Variants in PCID2 observed in about 807,000 individuals in gnomAD.
PCID2 encodes PCI domain containing 2.
Under a neutral mutation model 61.3 loss-of-function variants are expected in PCID2, and 41 were observed. The ratio of observed to expected loss-of-function variants is 0.67; its 90% CI spans 0.52 to 0.87. PCID2 has a LOEUF of 0.87. PCID2 is among the 40% of genes least tolerant of loss of function. The pLI, the probability that PCID2 is intolerant of heterozygous loss-of-function variation, is 0.00. For synonymous variants in PCID2, 187 were observed against 177.8 expected (o/e 1.05, Z -0.41); for missense variants, 392 against 493.4 (o/e 0.79, Z 1.95).
intron 7 of PCID2, chr13:113,187,733 A>T (rs2038243064): frequency 1.3e-5 from 2 of 152,296 alleles, no homozygotes; most frequent in South Asian, 4.1e-4. Context: ...ATAATTCTTT[A>T]TATATTCTGG....
intron 2 of PCID2, among the ~76,000 whole-genome samples, chr13:113,198,704 CATAAATAA>C (rs530661772): frequency 3.3e-5 from 5 of 151,808 alleles, no homozygotes; most frequent in African/African-American, 1.2e-4. Context: ...GACTCTGTCT[CATAAATAA>C]ATAAATAAAT....
In PCID2 at chr13:113,200,468, C is replaced by T. The variant is rs891541488; in HGVS notation, c.85G>A (p.Val29Met). 1 of 1,613,702 alleles carries T rather than the reference C, an allele frequency of 6.2e-7. No individual in the cohort carries two copies. The highest frequency in any genetic ancestry group is 8.5e-7 in the Non-Finnish European group (1 of 1,179,624). Residue 29 changes from valine (V) to methionine (M), a missense_variant, in exon 2 of 14, where the codon GTG becomes ATG. By Grantham distance (21) the Val-to-Met change is conservative. Transcript: ENST00000337344. ...SRDGASCAELVSFKHPHVANP... is the reference protein window; with the variant it reads ...SRDGASCAELMSFKHPHVANP... ...GCAACATGAGGATGTTTAAAAGACA[C>T]CAACTCTGCACAAGATGCTCCATCT...
chr13:113,172,325 C>A, the PCID2 span: 1 of 602,476 alleles, frequency 1.7e-6, no homozygotes, highest in Non-Finnish European at 2.9e-6. Context: ...CAATAGAGAC[C>A]TTAAAAGAAA....
At chr13:113,180,091 C>A (rs372598398) in intron 11 of PCID2, 49 bp from the exon 12 acceptor site, 103 of 1,613,402 alleles carry the variant, frequency 6.4e-5, no homozygotes, top group Non-Finnish European at 8.1e-5. Context: ...TCTCACAGAG[C>A]GTGCACGTCA....
chr13:113,168,686 T>C, the PCID2 span, among the ~76,000 whole-genome samples: 3 of 152,252 alleles, frequency 2.0e-5, no homozygotes, highest in Non-Finnish European at 4.4e-5. Flanking sequence ...GATTCTTGTA[T>C]TTGTGGGCTA....
intron 6 of PCID2, among the ~76,000 whole-genome samples, chr13:113,194,596 A>T (rs1316877383): frequency 6.6e-6 from 1 of 152,184 alleles, no homozygotes; most frequent in Non-Finnish European, 1.5e-5. Context: ...AAAGGTTGAC[A>T]AATGCTGCTC....
At chr13:113,207,682 G>C (rs1438084035) in intron 1 of PCID2, among the ~76,000 whole-genome samples, 1 of 152,164 alleles carries the variant, frequency 6.6e-6, no homozygotes, top group Non-Finnish European at 1.5e-5. Flanking sequence ...AATCATGTCA[G>C]ACTTTTCAGC....
Position 113,178,051 on chromosome 13 carries a change from GA to G in PCID2, c.*146del. The stretch of plus-strand genomic sequence containing the variant: ...TGAAGGAGATTAACTCGGGTGTGCT[GA>G]AAATCTCAGCCTCAGCATCCCTGGG... On this transcript the variant is annotated 3_prime_UTR_variant, in exon 14 of 14. Coordinates refer to ENST00000337344, the MANE Select transcript of PCID2 (RefSeq NM_001127202.4). 1 of 550,522 alleles carries G rather than the reference GA, an allele frequency of 1.8e-6. No individual in the cohort carries two copies. 34.1% of individuals were successfully genotyped at this position (550,522 alleles called of 1,614,324 possible).
intron 6 of PCID2, among the ~76,000 whole-genome samples, chr13:113,194,177 A>G (rs553927835): frequency 6.6e-6 from 1 of 152,272 alleles, no homozygotes; most frequent in East Asian, 1.9e-4. Flanking sequence ...GGCCACCCCC[A>G]GTCCGCACCA....
At chr13:113,166,906 C>T in the PCID2 span, among the ~76,000 whole-genome samples, 1 of 152,164 alleles carries the variant, frequency 6.6e-6, no homozygotes, top group Non-Finnish European at 1.5e-5. Context: ...GCACTCATAC[C>T]AGCAAGGCTA....
At chr13:113,165,123 AAC>A in the PCID2 span, 3 of 1,610,600 alleles carry the variant, frequency 1.9e-6, no homozygotes, top group Non-Finnish European at 2.5e-6. Flanking sequence ...CGTGGCAGGT[AAC>A]AGAGCGCTCT....
downstream of PCID2, among the ~76,000 whole-genome samples, chr13:113,172,971 G>A (rs913293997): frequency 1.3e-5 from 2 of 152,198 alleles, no homozygotes; most frequent in African/African-American, 4.8e-5. Context: ...ACCCCAAGAT[G>A]ATGATATGGG....
intron 13 of PCID2, 44 bp from the exon 14 acceptor site, chr13:113,178,331 G>C: frequency 7.0e-7 from 1 of 1,437,126 alleles, no homozygotes; most frequent in Non-Finnish European, 9.8e-7. Context: ...TTTTGGATCT[G>C]AGTCATGTCA....
the PCID2 span, chr13:113,172,391 G>A: frequency 3.7e-4 from 159 of 430,416 alleles, no homozygotes; most frequent in Middle Eastern, 7.0e-4. Flanking sequence ...AAAGCAGCCT[G>A]GTTTCCAGAA....
At chr13:113,195,520 C>T (rs1467737683) in intron 5 of PCID2, among the ~76,000 whole-genome samples, 2 of 152,184 alleles carry the variant, frequency 1.3e-5, no homozygotes, top group Admixed American at 1.3e-4. Context: ...CACAAAACAA[C>T]TTTTACAGCC....
chr13:113,172,214 C>A, the PCID2 span: 2 of 1,457,038 alleles, frequency 1.4e-6, no homozygotes, highest in Non-Finnish European at 1.9e-6. Context: ...GAGGCCGTCA[C>A]AGCCCCAGAC....
chr13:113,191,061 C>A, intron 6 of PCID2, 86 bp from the exon 7 acceptor site: 1 of 820,958 alleles, frequency 1.2e-6, no homozygotes, highest in Middle Eastern at 2.7e-4. Flanking sequence ...GGCACAATCA[C>A]ACCTCACTGC....
intron 1 of PCID2, chr13:113,208,358 C>G (rs2040103400): frequency 7.0e-7 from 1 of 1,432,716 alleles, no homozygotes; most frequent in African/African-American, 1.4e-5. Flanking sequence ...TACACCGCGA[C>G]GACTCCGCGA....
rs1255899211 is a variant in PCID2, at chr13:113,179,657, C to T, written c.986+260G>A. ...AAATGTGGTACCGCGGCTCTCAGGG[C>T]TGATGTTCTCAAGTTGTCTTCTCAC... On this transcript the variant is annotated intron_variant, in intron 12 of 13. Transcript: ENST00000337344. The surrounding 1 kb of genome is among the most constrained non-coding windows in gnomAD (Gnocchi z 4.3). Among the ~76,000 whole-genome samples the T allele has an allele frequency of 6.6e-6, 1 of 152,196 alleles. No homozygotes were observed. Among genetic ancestry groups the T allele is most frequent in the African/African-American group, 2.4e-5 (1 of 41,444 alleles).
Sources: allele counts gnomAD v4.1 joint callset (sites outside exome capture counted in the v4.1 genomes callset), GRCh38; gene constraint gnomAD v4.1.1; non-coding constraint Gnocchi (gnomAD v3.1); transcripts MANE v1.5; gene names NCBI Gene and HGNC (gene_info 2026-07-23, HGNC 2026-07-21).